The following C12orf42 variants were observed in gnomAD, a reference collection of about 807,000 sequenced individuals.
C12orf42 encodes uncharacterized protein C12orf42.
C12orf42 carries 25 observed loss-of-function variants against 21.6 expected under a neutral mutation model. The observed-to-expected ratio is 1.16, with a 90% CI of 0.84 to 1.62. The LOEUF is 1.62. C12orf42 is among the 40% of genes most tolerant of loss of function. The probability of loss-of-function intolerance (pLI) is 0.00; values close to 1 mark genes in which losing one functional copy is unlikely to be tolerated. For synonymous variants in C12orf42, 174 were observed against 175.0 expected (o/e 0.99, Z 0.05); for missense variants, 483 against 459.3 (o/e 1.05, Z -0.47).
chr12:103,517,226 C>T, the C12orf42 span, among the ~76,000 whole-genome samples: 2 of 152,236 alleles, frequency 1.3e-5, no homozygotes, highest in South Asian at 2.1e-4. Context: ...TACATCCAAG[C>T]CTGTATACTT....
intron 4 of C12orf42, among the ~76,000 whole-genome samples, chr12:103,316,838 T>C (rs1347164555): frequency 6.6e-6 from 1 of 151,966 alleles, no homozygotes; most frequent in Admixed American, 6.6e-5. Flanking sequence ...AATGAATGAA[T>C]GAATCCCTCA....
At chr12:103,350,462 ACAAGAGTAGTGATACTGG>A (rs1173966773) in intron 4 of C12orf42, among the ~76,000 whole-genome samples, 5 of 152,194 alleles carry the variant, frequency 3.3e-5, no homozygotes, top group African/African-American at 1.2e-4. Context: ...GCACCAACAC[ACAAGAGTAGTGATACTGG>A]CGTAAGGTTA....
intron 2 of C12orf42, among the ~76,000 whole-genome samples, chr12:103,457,934 G>A (rs1448770850): frequency 1.3e-5 from 2 of 152,134 alleles, no homozygotes; most frequent in Non-Finnish European, 1.5e-5. Context: ...TTGAACTAAT[G>A]GTCATCGTAA....
intron 4 of C12orf42, among the ~76,000 whole-genome samples, chr12:103,324,495 T>C (rs2040486821): frequency 6.6e-6 from 1 of 152,190 alleles, no homozygotes; most frequent in African/African-American, 2.4e-5. Context: ...ACCCCAGGAA[T>C]GAATGCTTGC....
chr12:103,476,937 T>C (rs936829048), intron 2 of C12orf42: 15 of 152,330 alleles, frequency 9.8e-5, no homozygotes, highest in African/African-American at 3.4e-4. Flanking sequence ...ACAATGGCCA[T>C]AGATTTCATA....
chr12:103,236,295 C>T (rs2033464853), downstream of C12orf42, among the ~76,000 whole-genome samples: 1 of 152,122 alleles, frequency 6.6e-6, no homozygotes. Flanking sequence ...CAGATTTTGC[C>T]AGATGAATAA....
chr12:103,227,559 G>A, the C12orf42 span, among the ~76,000 whole-genome samples: 1,985 of 152,120 alleles, frequency 0.013, 15 homozygotes, highest in South Asian at 0.025. Flanking sequence ...AAGGAGAAGC[G>A]GTTGAGGGGT....
chr12:103,435,774 A>G (rs1471881498), intron 2 of C12orf42, among the ~76,000 whole-genome samples: 5 of 152,280 alleles, frequency 3.3e-5, no homozygotes, highest in South Asian at 2.1e-4. Flanking sequence ...TCTACGTCTG[A>G]TTGGTGTACC....
chr12:103,420,511 C>A (rs2049791451), intron 2 of C12orf42, among the ~76,000 whole-genome samples: 1 of 152,158 alleles, frequency 6.6e-6, no homozygotes, highest in Non-Finnish European at 1.5e-5. Flanking sequence ...CCTTCTAATG[C>A]AAACTCTCTA....
Position 103,294,373 on chromosome 12 carries a change from G to T in C12orf42, n.338-17163C>A, listed in dbSNP as rs548612135. Among the ~76,000 whole-genome samples the T allele has an allele frequency of 1.9e-4, 22 of 116,772 alleles. 3 individuals are homozygous for T. The South Asian group carries it at 5.7e-3, about 31-fold the overall frequency. 76.6% of individuals were successfully genotyped at this position (116,772 alleles called of 152,430 possible). On this transcript the variant is annotated intron_variant and non_coding_transcript_variant, in intron 4 of 6. Coordinates refer to the C12orf42 transcript ENST00000546526. ...ACATGGCAGAAAAAAAAAAGAAAGA[G>T]AAAGAAGAAAGAAGAAAAAGAAAGA... is the stretch of plus-strand genomic sequence containing the variant.
At chr12:103,343,699 G>A (rs1052653005) in intron 4 of C12orf42, among the ~76,000 whole-genome samples, 30 of 151,044 alleles carry the variant, frequency 2.0e-4, no homozygotes, top group Non-Finnish European at 3.2e-4. Flanking sequence ...GCTTGAACCC[G>A]GGAGGCAGAG....
At chr12:103,225,519 T>G in the C12orf42 span, among the ~76,000 whole-genome samples, 1 of 151,750 alleles carries the variant, frequency 6.6e-6, no homozygotes, top group Non-Finnish European at 1.5e-5. Context: ...CTTATATTTG[T>G]GGGTTAAGGT....
At chr12:103,536,468 G>T in the C12orf42 span, among the ~76,000 whole-genome samples, 1 of 152,162 alleles carries the variant, frequency 6.6e-6, no homozygotes, top group Non-Finnish European at 1.5e-5. Flanking sequence ...AGAGTAGCCA[G>T]GGAAAATATA....
chr12:103,442,260 G>A (rs765829676), intron 2 of C12orf42, among the ~76,000 whole-genome samples: 3 of 152,274 alleles, frequency 2.0e-5, no homozygotes, highest in South Asian at 2.1e-4. Flanking sequence ...TAATGTTCAT[G>A]CATGGCTGTT....
chr12:103,048,650 C>A, the C12orf42 span, among the ~76,000 whole-genome samples: 5 of 152,058 alleles, frequency 3.3e-5, no homozygotes, highest in African/African-American at 1.2e-4. Flanking sequence ...AAGAAAGGAA[C>A]CAAAGAGCTC....
At chr12:103,132,182 A>G in the C12orf42 span, among the ~76,000 whole-genome samples, 1 of 152,184 alleles carries the variant, frequency 6.6e-6, no homozygotes, top group East Asian at 1.9e-4. Flanking sequence ...CTGCCCTACA[A>G]ATAAGAACTG....
the C12orf42 span, among the ~76,000 whole-genome samples, chr12:103,072,918 G>C: frequency 6.6e-6 from 1 of 152,058 alleles, no homozygotes; most frequent in African/African-American, 2.4e-5. Context: ...CAAAGACATG[G>C]AATCAGCTTA....
At chr12:103,422,159 C>G (rs1593941058) in intron 2 of C12orf42, among the ~76,000 whole-genome samples, 1 of 152,242 alleles carries the variant, frequency 6.6e-6, no homozygotes, top group East Asian at 1.9e-4. Flanking sequence ...ATTCAAATCT[C>G]TTTAAATTCA....
chr12:103,475,851 T>C (rs761477680), intron 2 of C12orf42, among the ~76,000 whole-genome samples: 1 of 152,222 alleles, frequency 6.6e-6, no homozygotes, highest in Non-Finnish European at 1.5e-5. Context: ...TATTTCACTT[T>C]CCTCCTTTTC....
Sources: allele counts gnomAD v4.1 joint callset (sites outside exome capture counted in the v4.1 genomes callset), GRCh38; gene constraint gnomAD v4.1.1; transcripts MANE v1.5; gene names NCBI Gene and HGNC (gene_info 2026-07-23, HGNC 2026-07-21).